Variants in ZGRF1 observed in about 807,000 individuals in gnomAD.
ZGRF1 encodes the protein zinc finger GRF-type containing 1.
A neutral mutation model predicts 203.5 loss-of-function variants in ZGRF1; 196 were observed. That is an observed-to-expected ratio of 0.96 (90% CI 0.86 to 1.08). The LOEUF is 1.08. Among genes scored for constraint, ZGRF1 ranks in the 50% least tolerant of loss-of-function variants. The probability of loss-of-function intolerance (pLI) is 0.00; values close to 1 mark genes in which losing one functional copy is unlikely to be tolerated. For missense variants in ZGRF1, 2,326 were observed against 2,416.3 expected (o/e 0.96, Z 0.78); for synonymous variants, 809 against 841.3 (o/e 0.96, Z 0.66).
intron 6 of ZGRF1, among the ~76,000 whole-genome samples, chr4:112,612,977 T>C (rs1049248083): frequency 6.6e-6 from 1 of 152,144 alleles, no homozygotes; most frequent in Non-Finnish European, 1.5e-5. Context: ...ACTCCCAGTA[T>C]ACTGTTGCTA....
chr4:112,561,998 C>T (rs1578727568), intron 18 of ZGRF1, among the ~76,000 whole-genome samples: 1 of 151,254 alleles, frequency 6.6e-6, no homozygotes, highest in South Asian at 2.1e-4. Flanking sequence ...CAACCTCCGC[C>T]TCCCAGGTTC....
At chr4:112,590,924 C>CAAA (rs550984359) in intron 10 of ZGRF1, among the ~76,000 whole-genome samples, 1 of 64,616 alleles carries the variant, frequency 1.5e-5, no homozygotes. Context: ...GACTCCTTCT[C>CAAA]AAAAAAAAAA....
intron 19 of ZGRF1, among the ~76,000 whole-genome samples, 190 bp from the exon 20 acceptor site, chr4:112,558,499 C>T (rs1309324974): frequency 6.6e-6 from 1 of 152,174 alleles, no homozygotes; most frequent in Non-Finnish European, 1.5e-5. Flanking sequence ...TCCCAAGTAG[C>T]TGGGATTACC....
intron 6 of ZGRF1, among the ~76,000 whole-genome samples, chr4:112,617,128 A>G (rs1225976364): frequency 6.6e-6 from 1 of 152,120 alleles, no homozygotes; most frequent in Non-Finnish European, 1.5e-5. Context: ...ACATACATAC[A>G]TATATATGTA....
At chr4:112,568,238 T>A (rs188901433) in intron 16 of ZGRF1, among the ~76,000 whole-genome samples, 34 of 151,934 alleles carry the variant, frequency 2.2e-4, no homozygotes, top group Admixed American at 7.2e-4. Context: ...AAGATCCATT[T>A]CCCAGAAGTA....
At position 112,619,353 on chromosome 4, in the gene ZGRF1, T is replaced by C. The variant is rs1395208452; in HGVS notation, c.689A>G (p.Asn230Ser). The C allele has an allele frequency of 2.5e-6, 4 of 1,612,784 alleles. No homozygotes were observed. The highest frequency in any genetic ancestry group is 2.2e-5 in the East Asian group (1 of 44,862). ...GNKLSDSLLT[N>S]EPVKRDSLAS... ...CAAACTATCTCTTTTCACAGGCTCA[T>C]TGGTCAGTAAAGAGTCTGAAAGCTT... Residue 230 changes from asparagine to serine, a missense_variant, in exon 6 of 28, where the codon AAT becomes AGT. Coordinates refer to ENST00000505019, the MANE Select transcript of ZGRF1 (RefSeq NM_018392.5).
Position 112,541,203 on chromosome 4 carries a change from A to G in ZGRF1, c.5664T>C (p.Asn1888=), listed in dbSNP as rs541900487. 1.2e-5 allele frequency: 19 copies of G among 1,612,476 alleles called. No individual in the cohort carries two copies. In the African/African-American group the frequency reaches 2.3e-4, roughly 19 times the overall value. The change falls in exon 25 of 28, where the codon AAT becomes AAC. Residue 1888 remains asparagine, a synonymous_variant. Coordinates refer to ENST00000505019, the MANE Select transcript of ZGRF1 (RefSeq NM_018392.5). ...TGAGGGCTCCTTTGTAAAACAGATC[A>G]TTAGCAATAGCACTGATTGCAGGAT... The part of the protein sequence containing the change: ...RCHPAISAIA[N]DLFYKGALMN...
At position 112,583,961 on chromosome 4, in the gene ZGRF1, G is replaced by C. The variant is rs1237209867; in HGVS notation, c.4298+17C>G. ...CTTATATAATCACAGGCAATTATTT[G>C]GTACTATAAAACATACCTCACCAAA... On this transcript the variant is annotated intron_variant, in intron 15 of 27. Coordinates refer to ENST00000505019, the MANE Select transcript of ZGRF1 (RefSeq NM_018392.5). 7 of 1,514,608 alleles carry C rather than the reference G, an allele frequency of 4.6e-6. No individual in the cohort carries two copies. Among genetic ancestry groups the C allele is most frequent in the Non-Finnish European group, 6.3e-6 (7 of 1,115,274 alleles). 93.8% of individuals were successfully genotyped at this position (1,514,608 alleles called of 1,614,324 possible).
intron 1 of ZGRF1, among the ~76,000 whole-genome samples, chr4:112,633,448 A>G (rs1166378227): frequency 6.6e-6 from 1 of 152,246 alleles, no homozygotes; most frequent in Non-Finnish European, 1.5e-5. Context: ...TTTCATAAGT[A>G]AAGAAAAAAC....
chr4:112,617,120 A>G (rs1269146886), intron 6 of ZGRF1, among the ~76,000 whole-genome samples: 6 of 152,124 alleles, frequency 3.9e-5, no homozygotes, highest in African/African-American at 1.4e-4. Flanking sequence ...ATACACACAC[A>G]TACATACATA....
intron 14 of ZGRF1, 131 bp downstream of exon 14, chr4:112,585,410 T>C: frequency 1.8e-6 from 1 of 544,940 alleles, no homozygotes; most frequent in Non-Finnish European, 3.0e-6. Flanking sequence ...TAATGTATGT[T>C]AGGTACCAAC....
intron 10 of ZGRF1, among the ~76,000 whole-genome samples, chr4:112,596,252 G>C (rs964354391): frequency 6.6e-6 from 1 of 152,136 alleles, no homozygotes; most frequent in Non-Finnish European, 1.5e-5. Flanking sequence ...ATGGGGAATA[G>C]TATAGACTTG....
chr4:112,569,132 A>G (rs985655704), intron 16 of ZGRF1, among the ~76,000 whole-genome samples: 8 of 152,264 alleles, frequency 5.3e-5, no homozygotes, highest in Non-Finnish European at 1.0e-4. Flanking sequence ...GTAGGTTGAA[A>G]GTATTAAAGG....
chr4:112,556,361 T>C (rs1256146127), intron 20 of ZGRF1, among the ~76,000 whole-genome samples: 2 of 152,138 alleles, frequency 1.3e-5, no homozygotes, highest in African/African-American at 2.4e-5. Context: ...AAGAAAATCA[T>C]TGAATATAAT....
chr4:112,573,516 C>G (rs147854711), intron 16 of ZGRF1, among the ~76,000 whole-genome samples: 1 of 151,900 alleles, frequency 6.6e-6, no homozygotes, highest in African/African-American at 2.4e-5. Context: ...AGCTTATTCA[C>G]GTAACCAAAC....
Position 112,577,077 on chromosome 4 carries a change from C to T in ZGRF1, c.4438+4586G>A, listed in dbSNP as rs1265791041. On this transcript the variant is annotated intron_variant, in intron 16 of 27. Coordinates refer to ENST00000505019, the MANE Select transcript of ZGRF1 (RefSeq NM_018392.5). ...GAAGCCCATTAGACTAACAGCTGAT[C>T]TCTCAGCAGAAACTGTACAAGCCAG... is the stretch of plus-strand genomic sequence containing the variant. 3.2e-5 allele frequency among the ~76,000 whole-genome samples: 4 copies of T among 126,042 alleles called. 2 individuals are homozygous for T. Among genetic ancestry groups the T allele is most frequent in the African/African-American group, 1.1e-4 (4 of 36,502 alleles). The allele number at this position is 126,042 out of a possible 152,430, so 82.7% of individuals were successfully genotyped here. A position where few individuals can be genotyped will look rare whatever the true frequency, so the allele number is the denominator to read the frequency against.
rs1741841441 is a variant in ZGRF1 at position 112,560,903 on chromosome 4, A to G, written c.4790T>C (p.Leu1597Pro). The G allele has an allele frequency of 8.7e-6, 14 of 1,613,586 alleles. No homozygotes were observed. Among genetic ancestry groups the G allele is most frequent in the Non-Finnish European group, 1.2e-5 (14 of 1,179,660 alleles). Residue 1597 changes from leucine to proline, a missense_variant, in exon 19 of 28, where the codon CTC becomes CCC. By Grantham distance (98) the Leu-to-Pro change is moderately conservative (BLOSUM62 -3). Coordinates refer to ENST00000505019, the MANE Select transcript of ZGRF1 (RefSeq NM_018392.5). ...FTNVSTKFELLSLGATLKLAS... is the reference protein window; with the variant it reads ...FTNVSTKFELPSLGATLKLAS... ...TAACTTCAATGTTGCTCCTAGGCTG[A>G]GTAGTTCAAATTTTGTACTGACATT...
Position 112,563,202 on chromosome 4 carries a change from C to G in ZGRF1, c.4511G>C (p.Gly1504Ala). ...DTFIACSAFF[G>A]PSSINEIEIL... ...TTCTATCTCATTGATAGATGATGGT[C>G]CAAAGAAAGCACTACATGCGATAAA... Residue 1504 changes from glycine to alanine, a missense_variant, in exon 17 of 28, where the codon GGA becomes GCA. Gly to Ala is a moderately conservative substitution (Grantham distance 60, BLOSUM62 0). Transcript: ENST00000505019. 1 of 1,551,028 alleles carries G rather than the reference C, an allele frequency of 6.4e-7. No individual in the cohort carries two copies. The highest frequency in any genetic ancestry group is 1.4e-5 in the African/African-American group (1 of 73,120).
intron 20 of ZGRF1, among the ~76,000 whole-genome samples, chr4:112,557,619 G>C (rs1741187607): frequency 6.6e-6 from 1 of 152,210 alleles, no homozygotes; most frequent in East Asian, 1.9e-4. Flanking sequence ...AGGAGACAAA[G>C]AGCATCCAGG....
Sources: allele counts gnomAD v4.1 joint callset (sites outside exome capture counted in the v4.1 genomes callset), GRCh38; gene constraint gnomAD v4.1.1; transcripts MANE v1.5; gene names NCBI Gene and HGNC (gene_info 2026-07-23, HGNC 2026-07-21).